The following FOXN4 variants were observed in gnomAD, a reference collection of about 807,000 sequenced individuals.
FOXN4 encodes the protein forkhead box protein N4.
In FOXN4, 12 loss-of-function variants were observed where a neutral mutation model predicts 45.0. The ratio of observed to expected loss-of-function variants is 0.27; its 90% CI spans 0.17 to 0.43. The LOEUF (loss-of-function observed/expected upper bound fraction) is 0.43, where lower values mean the gene tolerates loss of function less well. FOXN4 is among the 20% of genes least tolerant of loss of function. The pLI is 1.00. For synonymous variants in FOXN4, 297 were observed against 295.0 expected, an observed-to-expected ratio of 1.01 and a Z score of -0.07; for missense variants, 560 against 694.9, an observed-to-expected ratio of 0.81 and a Z score of 2.18.
chr12:109,298,654 C>T (rs1475522676), intron 2 of FOXN4, among the ~76,000 whole-genome samples: 2 of 152,164 alleles, frequency 1.3e-5, no homozygotes, highest in Admixed American at 6.5e-5. Flanking sequence ...TGAGCCACCA[C>T]GCCCAGCCCT....
chr12:109,299,397 ACAC>A (rs2047848437), intron 2 of FOXN4, among the ~76,000 whole-genome samples: 2 of 152,134 alleles, frequency 1.3e-5, no homozygotes, highest in African/African-American at 2.4e-5. Flanking sequence ...ACATATGCAC[ACAC>A]AACACACACG....
At position 109,288,962 on chromosome 12, in the gene FOXN4, C is replaced by T. The variant is rs199953333; in HGVS notation, c.233-782G>A. 5.3e-5 allele frequency among the ~76,000 whole-genome samples: 8 copies of T among 152,352 alleles called. No homozygotes were observed. In the East Asian group the frequency reaches 1.3e-3, roughly 26 times the overall value. Reference sequence around the variant, plus strand: ...AGCTTTCTAAGAACTGGGACCACAACTTATATCATTCATTGCTCCAAATGC... The same window carrying T: ...AGCTTTCTAAGAACTGGGACCACAATTTATATCATTCATTGCTCCAAATGC... On this transcript the variant is annotated intron_variant, in intron 3 of 9. Coordinates refer to ENST00000299162, the MANE Select transcript of FOXN4 (RefSeq NM_213596.3). This position sits in a 1 kb window ranked among gnomAD's most constrained non-coding sequence, Gnocchi z 4.3.
chr12:109,285,269 G>C (rs2047696833), intron 8 of FOXN4, 35 bp downstream of exon 8: 2 of 1,555,520 alleles, frequency 1.3e-6, no homozygotes, highest in East Asian at 4.8e-5. Context: ...GTGTGTGTGT[G>C]TGTGTGCGCG....
At chr12:109,293,434 C>T (rs2047787845) in intron 2 of FOXN4, among the ~76,000 whole-genome samples, 1 of 152,236 alleles carries the variant, frequency 6.6e-6, no homozygotes, top group Non-Finnish European at 1.5e-5. Flanking sequence ...CATCACTCTG[C>T]CTTCTGGCTC....
chr12:109,282,749 T>C lies in FOXN4; in HGVS notation c.902-950A>G, dbSNP rs140786862. On this transcript the variant is annotated intron_variant, in intron 8 of 9. Coordinates refer to ENST00000299162, the MANE Select transcript of FOXN4 (RefSeq NM_213596.3). ...AAATTACTCTCATATTATTTTTGAT[T>C]AATGGCTATGTCTTGTTGAGTGCAA... Among the ~76,000 whole-genome samples the C allele has an allele frequency of 9.3e-4, 141 of 152,312 alleles. 2 individuals are homozygous for C. The highest frequency in any genetic ancestry group is 8.2e-4 in the Non-Finnish European group (56 of 68,024).
intron 2 of FOXN4, among the ~76,000 whole-genome samples, chr12:109,298,483 G>A (rs1380609961): frequency 6.6e-6 from 1 of 151,706 alleles, no homozygotes; most frequent in Admixed American, 6.6e-5. Flanking sequence ...TGTCTCAGCC[G>A]CCTGAGTAGT....
intron 2 of FOXN4, among the ~76,000 whole-genome samples, chr12:109,293,555 T>C (rs1402547235): frequency 6.6e-6 from 1 of 152,212 alleles, no homozygotes; most frequent in African/African-American, 2.4e-5. Context: ...TAGAATGTAG[T>C]GGCACGATCT....
In FOXN4 at chr12:109,279,255, T is replaced by C. The variant is rs1181443069; in HGVS notation, c.*416A>G. The C allele has an allele frequency of 8.3e-6, 2 of 241,686 alleles. No homozygotes were observed. The highest frequency in any genetic ancestry group is 1.9e-4 in the East Asian group (2 of 10,382). 15.0% of individuals were successfully genotyped at this position (241,686 alleles called of 1,614,324 possible). On this transcript the variant is annotated 3_prime_UTR_variant, in exon 10 of 10. Transcript: ENST00000299162. ...TTCCCATGAGGATGAATTCAAGGGC[T>C]TTCACCCCAGGGTGTTTCCTTAATG...
rs946285178 is a variant in FOXN4 at position 109,279,360 on chromosome 12, C to T, written c.*311G>A. Reference sequence around the variant, plus strand: ...CAGGATGGAGAAGTCTCACTCAACACGGGCAGGCATTGCGGCTCAGGCCTC... The same window carrying T: ...CAGGATGGAGAAGTCTCACTCAACATGGGCAGGCATTGCGGCTCAGGCCTC... On this transcript the variant is annotated 3_prime_UTR_variant, in exon 10 of 10. Transcript: ENST00000299162. The T allele has an allele frequency of 1.9e-5, 8 of 428,450 alleles. No homozygotes were observed. The highest frequency in any genetic ancestry group is 4.4e-5 in the East Asian group (1 of 22,684). 26.5% of individuals were successfully genotyped at this position (428,450 alleles called of 1,614,324 possible).
intron 6 of FOXN4, chr12:109,286,980 C>G: frequency 9.3e-7 from 1 of 1,080,476 alleles, no homozygotes. Flanking sequence ...GAAATCTTAC[C>G]CTTTCCCCTC....
chr12:109,283,916 T>C (rs939950136), intron 8 of FOXN4, among the ~76,000 whole-genome samples: 11 of 152,272 alleles, frequency 7.2e-5, no homozygotes, highest in Non-Finnish European at 1.5e-4. Context: ...AGAAATAATT[T>C]TGTGATGGAT....
chr12:109,285,225 G>T, intron 8 of FOXN4, 79 bp downstream of exon 8: 1 of 1,513,196 alleles, frequency 6.6e-7, no homozygotes, highest in Non-Finnish European at 8.9e-7. Flanking sequence ...GGTGGATGTC[G>T]GCCAGGTCCT....
chr12:109,284,072 C>T (rs554495830), intron 8 of FOXN4, among the ~76,000 whole-genome samples: 1 of 152,334 alleles, frequency 6.6e-6, no homozygotes, highest in African/African-American at 2.4e-5. Context: ...GCTTAAATTC[C>T]TATCCATTAT....
chr12:109,308,610 A>G (rs1593792761), intron 1 of FOXN4, among the ~76,000 whole-genome samples: 3 of 152,304 alleles, frequency 2.0e-5, no homozygotes, highest in South Asian at 4.1e-4. Flanking sequence ...CCAAATGTCA[A>G]ACCTGGAAAA....
rs143978176 is a variant in FOXN4 at position 109,297,276 on chromosome 12, A to G, written c.87-6990T>C. Among the ~76,000 whole-genome samples the G allele has an allele frequency of 7.0e-3, 1,069 of 152,364 alleles. 5 individuals are homozygous for G. Among genetic ancestry groups the G allele is most frequent in the Non-Finnish European group, 0.011 (725 of 68,028 alleles). ...CGGCATTAGATTCTCACGGGAGCGT[A>G]AACCCTATTGTGAACTGCACATGCA... On this transcript the variant is annotated intron_variant, in intron 2 of 9. Coordinates refer to ENST00000299162, the MANE Select transcript of FOXN4 (RefSeq NM_213596.3).
At chr12:109,292,797 T>G (rs2047781346) in intron 2 of FOXN4, among the ~76,000 whole-genome samples, 1 of 152,162 alleles carries the variant, frequency 6.6e-6, no homozygotes, top group African/African-American at 2.4e-5. Context: ...TGGCCCCATT[T>G]TACAGATGAA....
At chr12:109,307,758 G>T (rs1260692388) in intron 2 of FOXN4, among the ~76,000 whole-genome samples, 1 of 152,208 alleles carries the variant, frequency 6.6e-6, no homozygotes. Context: ...TGATGAGGAA[G>T]TGAGGCCCAG....
In FOXN4 at chr12:109,305,729, C is replaced by CA. The variant is rs202089526; in HGVS notation, c.86+2506dup. 3.0e-3 allele frequency among the ~76,000 whole-genome samples: 462 copies of CA among 151,778 alleles called. 3 individuals carry two copies. Among genetic ancestry groups the CA allele is most frequent in the East Asian group, 0.021 (110 of 5,172 alleles). ...TAGGTGACAGAGTGACTCACACACACAAAAAAAACAAGTAAAAAAACCAAA... is the reference window on the plus strand; with the variant it reads ...TAGGTGACAGAGTGACTCACACACACAAAAAAAAACAAGTAAAAAAACCAAA... On this transcript the variant is annotated intron_variant, in intron 2 of 9. Coordinates refer to ENST00000299162, the MANE Select transcript of FOXN4 (RefSeq NM_213596.3).
intron 3 of FOXN4, among the ~76,000 whole-genome samples, chr12:109,289,710 T>C (rs1330339187): frequency 6.6e-6 from 1 of 152,212 alleles, no homozygotes; most frequent in Middle Eastern, 3.2e-3. Flanking sequence ...GGCAGCAAAC[T>C]TCTTTTGTGA....
Sources: gnomAD v4.1 joint callset for allele counts (sites outside exome capture counted in the v4.1 genomes callset) on GRCh38, gnomAD v4.1.1 for gene constraint, Gnocchi (gnomAD v3.1) non-coding constraint, MANE v1.5 for transcripts, NCBI Gene and HGNC (gene_info 2026-07-23, HGNC 2026-07-21) for gene names.